PSMA8: variants seen among roughly 807,000 people sequenced by gnomAD.
The protein encoded by PSMA8 is proteasome 20S subunit alpha 8, also known as proteasome subunit alpha-type 8.
In PSMA8, 18 loss-of-function variants were observed where a neutral mutation model predicts 32.4. That is an observed-to-expected ratio of 0.56 (90% confidence interval 0.38 to 0.82). The LOEUF (loss-of-function observed/expected upper bound fraction) is 0.82. Among genes scored for constraint, PSMA8 ranks in the 40% least tolerant of loss-of-function variants. The pLI, the probability that PSMA8 is intolerant of heterozygous loss-of-function variation, is 0.00. For missense variants in PSMA8, 298 were observed against 300.7 expected (o/e 0.99, Z 0.07); for synonymous variants, 104 against 98.1 (o/e 1.06, Z -0.36).
At chr18:26,188,332 A>G (rs1454311775) in intron 6 of PSMA8, among the ~76,000 whole-genome samples, 1 of 97,074 alleles carries the variant, frequency 1.0e-5, no homozygotes, top group African/African-American at 3.5e-5. Context: ...CACATCAAAA[A>G]AGGACACCAA....
intron 1 of PSMA8, among the ~76,000 whole-genome samples, chr18:26,138,864 T>G (rs936559546): frequency 5.9e-5 from 9 of 152,220 alleles, no homozygotes; most frequent in African/African-American, 1.9e-4. Context: ...GAATAAAAGT[T>G]GGTGTCCCTG....
chr18:26,151,903 A>G lies in PSMA8; in HGVS notation c.275A>G (p.Glu92Gly), dbSNP rs763648627. ...ARVVINRARV[E>G]CQSHKLTVED... ...GTAGTAATAAACAGAGCCCGTGTGG[A>G]GTGCCAGAGCCATAAGCTTACGGTT... Residue 92 changes from glutamate to glycine, a missense_variant, in exon 3 of 7, where the codon GAG becomes GGG. Glu to Gly is a moderately conservative substitution (Grantham distance 98). Coordinates refer to ENST00000415576, the MANE Select transcript of PSMA8 (RefSeq NM_001025096.2). The G allele has an allele frequency of 1.2e-5, 20 of 1,612,232 alleles. No individual in the cohort carries two copies. Among genetic ancestry groups the G allele is most frequent in the Non-Finnish European group, 1.4e-5 (17 of 1,179,266 alleles).
chr18:26,137,562 C>A (rs1300532515), intron 1 of PSMA8, among the ~76,000 whole-genome samples: 2 of 152,268 alleles, frequency 1.3e-5, no homozygotes, highest in African/African-American at 4.8e-5. Flanking sequence ...AAGTACTTAA[C>A]AAATTGTAGT....
At chr18:26,141,674 G>A (rs557446235) in intron 1 of PSMA8, among the ~76,000 whole-genome samples, 5 of 147,450 alleles carry the variant, frequency 3.4e-5, no homozygotes, top group Non-Finnish European at 7.4e-5. Context: ...GAACAAAAGC[G>A]TAGTTCTTTT....
Position 26,178,957 on chromosome 18 carries a change from A to T in PSMA8, c.597+8A>T, listed in dbSNP as rs145033174. 1.1e-5 allele frequency: 18 copies of T among 1,611,240 alleles called. No individual in the cohort carries two copies. In the East Asian group the frequency reaches 3.6e-4, roughly 32 times the overall value. On this transcript the variant is annotated splice_region_variant and intron_variant, in intron 5 of 6. Transcript: ENST00000415576. ...ATAAAAGCTTTGCTAGAAGTAAGTG[A>T]TCTAATAAAGCATATTCAGGAAATC...
intron 4 of PSMA8, among the ~76,000 whole-genome samples, chr18:26,159,546 G>A (rs553949471): frequency 6.6e-6 from 1 of 151,840 alleles, no homozygotes; most frequent in East Asian, 1.9e-4. Flanking sequence ...TTTAAAGCCT[G>A]CCATCTTCTG....
rs1390925809 is a variant in PSMA8, at chr18:26,168,224, CT to C, written c.477+9981del. ...TTTAGCAATGTCTTCTGTTTTTTTC[CT>C]CACATAACTTAGTCATTTCATTATT... On this transcript the variant is annotated intron_variant, in intron 4 of 6. Coordinates refer to ENST00000415576, the MANE Select transcript of PSMA8 (RefSeq NM_001025096.2). Among the ~76,000 whole-genome samples, 2 of 125,632 alleles carry C rather than the reference CT, an allele frequency of 1.6e-5. 1 individual carries two copies. The highest frequency in any genetic ancestry group is 9.1e-5 in the African/African-American group (2 of 21,898). The allele number at this position is 125,632 out of a possible 152,430, so 82.4% of individuals were successfully genotyped here. A position where few individuals can be genotyped will look rare whatever the true frequency, so the allele number is the denominator to read the frequency against.
rs60544997 is a variant in PSMA8, at chr18:26,183,328, G to C, written c.660+4198G>C. On this transcript the variant is annotated intron_variant, in intron 6 of 6. Transcript: ENST00000415576. ...AATCGCTTGAACCTGGGAGGCAGAG[G>C]TTGCCGTGAGCCAAGATCGCACCAT... 7.7e-3 allele frequency among the ~76,000 whole-genome samples: 1,163 copies of C among 150,310 alleles called. 80 individuals are homozygous for C. Among genetic ancestry groups the C allele is most frequent in the African/African-American group, 0.027 (1,106 of 40,688 alleles).
chr18:26,160,835 C>A (rs1430095283), intron 4 of PSMA8, among the ~76,000 whole-genome samples: 1 of 152,156 alleles, frequency 6.6e-6, no homozygotes, highest in East Asian at 1.9e-4. Flanking sequence ...AGGTTCTCTA[C>A]CTGGCATGTA....
chr18:26,142,579 G>A (rs759103742), intron 1 of PSMA8, among the ~76,000 whole-genome samples: 2 of 152,000 alleles, frequency 1.3e-5, no homozygotes, highest in Non-Finnish European at 2.9e-5. Flanking sequence ...GCTGCTTGTG[G>A]CCCCTGTCTT....
chr18:26,141,293 T>TA (rs2054953899), intron 1 of PSMA8, among the ~76,000 whole-genome samples: 1 of 152,214 alleles, frequency 6.6e-6, no homozygotes, highest in Non-Finnish European at 1.5e-5. Flanking sequence ...CTCCTGAACA[T>TA]AATTTTGACC....
intron 1 of PSMA8, among the ~76,000 whole-genome samples, chr18:26,134,508 G>A (rs1040265578): frequency 6.6e-6 from 1 of 151,998 alleles, no homozygotes; most frequent in African/African-American, 2.4e-5. Context: ...GTTAACAGTT[G>A]CTTCATGTTG....
chr18:26,180,114 G>A (rs764521467), intron 6 of PSMA8, among the ~76,000 whole-genome samples: 2 of 152,004 alleles, frequency 1.3e-5, no homozygotes, highest in East Asian at 1.9e-4. Context: ...ATAGCTGGGC[G>A]TGGTGGCAGA....
chr18:26,157,830 A>G (rs1041859472), intron 3 of PSMA8, among the ~76,000 whole-genome samples: 1 of 152,210 alleles, frequency 6.6e-6, no homozygotes, highest in Non-Finnish European at 1.5e-5. Flanking sequence ...GGTCTCTGCT[A>G]TATTAGAAAT....
chr18:26,150,127 G>T (rs75476768), intron 2 of PSMA8, among the ~76,000 whole-genome samples: 1 of 152,066 alleles, frequency 6.6e-6, no homozygotes, highest in East Asian at 1.9e-4. Flanking sequence ...TTCAGATTAG[G>T]GATGCCCAAC....
chr18:26,134,198 TGTTCTTTTTATTTAG>T lies in PSMA8; in HGVS notation c.102+133_102+147del. 21 of 653,900 alleles carry T rather than the reference TGTTCTTTTTATTTAG, an allele frequency of 3.2e-5. No homozygotes were observed. The South Asian group carries it at 3.8e-4, about 12-fold the overall frequency. The allele number at this position is 653,900 out of a possible 1,614,324, so 40.5% of individuals were successfully genotyped here. On this transcript the variant is annotated intron_variant, in intron 1 of 6. Coordinates refer to ENST00000415576, the MANE Select transcript of PSMA8 (RefSeq NM_001025096.2). ...ATTCCCACACTTGTGAAAATTACTT[TGTTCTTTTTATTTAG>T]GGAGACAGACTTCTAGATTTGGGCC... is the stretch of plus-strand genomic sequence containing the variant.
At chr18:26,140,325 T>C (rs191719442) in intron 1 of PSMA8, among the ~76,000 whole-genome samples, 105 of 152,310 alleles carry the variant, frequency 6.9e-4, no homozygotes, top group Non-Finnish European at 1.2e-3. Flanking sequence ...ACCTGGAGCT[T>C]GGATCCATGG....
intron 3 of PSMA8, among the ~76,000 whole-genome samples, chr18:26,157,684 G>A: frequency 6.6e-6 from 1 of 152,162 alleles, no homozygotes. Flanking sequence ...GAATGTCCTT[G>A]ATAAAAATAG....
chr18:26,185,882 C>T (rs1210930212), intron 6 of PSMA8, among the ~76,000 whole-genome samples: 1 of 150,372 alleles, frequency 6.7e-6, no homozygotes, highest in Non-Finnish European at 1.5e-5. Context: ...GAAAATATTA[C>T]AAATCCTATT....
Sources: gnomAD v4.1 joint callset for allele counts (sites outside exome capture counted in the v4.1 genomes callset) on GRCh38, gnomAD v4.1.1 for gene constraint, MANE v1.5 for transcripts, NCBI Gene and HGNC (gene_info 2026-07-23, HGNC 2026-07-21) for gene names.